Variants in SDHAF4 observed in about 807,000 individuals in gnomAD.
SDHAF4 encodes the protein succinate dehydrogenase complex assembly factor 4.
In SDHAF4, 14 loss-of-function variants were observed where a neutral mutation model predicts 14.3. The observed-to-expected ratio is 0.98, with a 90% CI of 0.65 to 1.53. The LOEUF is 1.53. Ranked by LOEUF, SDHAF4 falls within the 40% of genes most tolerant of loss-of-function variation. The probability of loss-of-function intolerance (pLI) is 0.00; values close to 1 mark genes in which losing one functional copy is unlikely to be tolerated. For missense variants in SDHAF4, 141 were observed against 129.3 expected (o/e 1.09, Z -0.44); for synonymous variants, 63 against 47.3 (o/e 1.33, Z -1.36).
At chr6:70,582,356 C>T (rs190642611) in intron 2 of SDHAF4, among the ~76,000 whole-genome samples, 17 of 152,288 alleles carry the variant, frequency 1.1e-4, no homozygotes, top group Non-Finnish European at 1.9e-4. Flanking sequence ...TGAGCCACCA[C>T]GCCCGGCTTA....
chr6:70,575,833 G>A (rs1469089517), intron 1 of SDHAF4, among the ~76,000 whole-genome samples: 1 of 152,102 alleles, frequency 6.6e-6, no homozygotes, highest in Non-Finnish European at 1.5e-5. Flanking sequence ...TTTGGATAAA[G>A]TCAAACCACC....
At chr6:70,569,533 C>T (rs945406836) in intron 1 of SDHAF4, among the ~76,000 whole-genome samples, 8 of 152,218 alleles carry the variant, frequency 5.3e-5, no homozygotes, top group Non-Finnish European at 8.8e-5. Flanking sequence ...CGTGAGCTGC[C>T]ACGCCCGGCC....
the SDHAF4 span, among the ~76,000 whole-genome samples, chr6:70,594,654 C>T: frequency 6.6e-6 from 1 of 152,164 alleles, no homozygotes; most frequent in Non-Finnish European, 1.5e-5. Context: ...GGCTCACGCC[C>T]ATAATCCCAG....
Position 70,577,042 on chromosome 6 carries a change from G to A in SDHAF4, c.65-2372G>A, listed in dbSNP as rs149825391. On this transcript the variant is annotated intron_variant, in intron 1 of 2. Transcript: ENST00000370474. ...CACATACATTTCCTTCTCTCTTTTA[G>A]CTTCTAGAGGCTGCCCACATTCCTT... 3.1e-4 allele frequency among the ~76,000 whole-genome samples: 47 copies of A among 152,250 alleles called. No homozygotes were observed. The East Asian group carries it at 8.5e-3, about 27-fold the overall frequency.
chr6:70,594,489 A>G (rs1360919590), downstream of SDHAF4, among the ~76,000 whole-genome samples: 1 of 152,122 alleles, frequency 6.6e-6, no homozygotes, highest in Admixed American at 6.5e-5. Context: ...TGGCCACCTC[A>G]CCTTTTCATA....
chr6:70,588,165 C>T (rs545544338), intron 2 of SDHAF4, among the ~76,000 whole-genome samples: 2 of 152,280 alleles, frequency 1.3e-5, no homozygotes, highest in South Asian at 4.1e-4. Context: ...ATTTACAGTT[C>T]TTTTAAAGAC....
intron 1 of SDHAF4, among the ~76,000 whole-genome samples, chr6:70,575,263 A>G (rs1408666216): frequency 6.6e-6 from 1 of 152,160 alleles, no homozygotes; most frequent in African/African-American, 2.4e-5. Context: ...CTGTAATCCC[A>G]TCTACTCGGG....
At chr6:70,568,962 C>CTTTTTTTTTTTTTTTTTTTTTTTT (rs5877254) in intron 1 of SDHAF4, among the ~76,000 whole-genome samples, 7 of 98,000 alleles carry the variant, frequency 7.1e-5, no homozygotes, top group African/African-American at 2.9e-4. Flanking sequence ...TTTCTTTTTT[C>CTTTTTTTTTTTTTTTTTTTTTTTT]TTTTTTTTTT....
chr6:70,576,070 C>T (rs539954691), intron 1 of SDHAF4, among the ~76,000 whole-genome samples: 26 of 152,292 alleles, frequency 1.7e-4, no homozygotes, highest in African/African-American at 6.0e-4. Flanking sequence ...TCATCTGACA[C>T]GCCCTTGTTT....
chr6:70,579,226 AC>A (rs1205619259), intron 1 of SDHAF4, among the ~76,000 whole-genome samples, 187 bp from the exon 2 acceptor site: 1 of 152,204 alleles, frequency 6.6e-6, no homozygotes, highest in Non-Finnish European at 1.5e-5. Context: ...TTCTTTTCAA[AC>A]TGGTGGTCTT....
intron 1 of SDHAF4, among the ~76,000 whole-genome samples, chr6:70,568,502 C>T (rs1415015418): frequency 2.0e-5 from 3 of 151,978 alleles, no homozygotes; most frequent in South Asian, 2.1e-4. Flanking sequence ...TTTCAGATAA[C>T]GCTGTGTTTT....
chr6:70,570,416 G>A (rs972693153), intron 1 of SDHAF4, among the ~76,000 whole-genome samples: 5 of 152,082 alleles, frequency 3.3e-5, no homozygotes, highest in East Asian at 3.9e-4. Flanking sequence ...TCCACCTCCC[G>A]AAATCAAGTG....
At chr6:70,586,137 T>C (rs1765196820) in intron 2 of SDHAF4, among the ~76,000 whole-genome samples, 1 of 152,198 alleles carries the variant, frequency 6.6e-6, no homozygotes, top group Admixed American at 6.5e-5. Flanking sequence ...CTTGAGGGAA[T>C]GTGACACCCA....
At chr6:70,577,290 T>A (rs1251843040) in intron 1 of SDHAF4, among the ~76,000 whole-genome samples, 1 of 152,218 alleles carries the variant, frequency 6.6e-6, no homozygotes, top group African/African-American at 2.4e-5. Flanking sequence ...GGGTATTGGA[T>A]TCTGATTATC....
chr6:70,587,474 A>G (rs1285235725), intron 2 of SDHAF4, among the ~76,000 whole-genome samples: 2 of 152,252 alleles, frequency 1.3e-5, no homozygotes, highest in African/African-American at 4.8e-5. Context: ...CAGCAGGGCA[A>G]CAGAGCTAGG....
At chr6:70,579,120 A>G (rs1802290449) in intron 1 of SDHAF4, among the ~76,000 whole-genome samples, 1 of 152,086 alleles carries the variant, frequency 6.6e-6, no homozygotes, top group Non-Finnish European at 1.5e-5. Context: ...TAATATTTGA[A>G]CTCCTGGTTT....
chr6:70,583,653 A>T (rs1765165712), intron 2 of SDHAF4, among the ~76,000 whole-genome samples: 1 of 152,172 alleles, frequency 6.6e-6, no homozygotes, highest in South Asian at 2.1e-4. Context: ...CACATAAAAT[A>T]CACTAACAAC....
downstream of SDHAF4, among the ~76,000 whole-genome samples, chr6:70,592,841 C>G (rs571474173): frequency 1.3e-5 from 2 of 152,110 alleles, no homozygotes; most frequent in South Asian, 4.1e-4. Flanking sequence ...AGCGTATGAC[C>G]AAGGCACTGT....
chr6:70,593,600 C>T (rs775935128), downstream of SDHAF4, among the ~76,000 whole-genome samples: 1 of 152,174 alleles, frequency 6.6e-6, no homozygotes. Context: ...TGAGATTGCC[C>T]AATGTTTTGG....
Sources: allele counts gnomAD v4.1 joint callset (sites outside exome capture counted in the v4.1 genomes callset), GRCh38; gene constraint gnomAD v4.1.1; transcripts MANE v1.5; gene names NCBI Gene and HGNC (gene_info 2026-07-23, HGNC 2026-07-21).